The following TSNARE1 variants were observed in gnomAD, a reference collection of about 807,000 sequenced individuals.
TSNARE1 encodes t-SNARE domain-containing protein 1.
In TSNARE1, 49 loss-of-function variants were observed where a neutral mutation model predicts 62.0. The ratio of observed to expected loss-of-function variants is 0.79; its 90% CI spans 0.63 to 1.00. The LOEUF (loss-of-function observed/expected upper bound fraction) is 1.00, where lower values mean the gene tolerates loss of function less well. TSNARE1 is among the 50% of genes least tolerant of loss of function. The probability of loss-of-function intolerance (pLI) is 0.00; values close to 1 mark genes in which losing one functional copy is unlikely to be tolerated. For synonymous variants in TSNARE1, 328 were observed against 294.4 expected, an observed-to-expected ratio of 1.11 and a Z score of -1.17; for missense variants, 755 against 700.1, an observed-to-expected ratio of 1.08 and a Z score of -0.88.
rs555650074 is a variant in TSNARE1 at position 142,228,926 on chromosome 8, G to A, written c.*11+547C>T. The stretch of plus-strand genomic sequence containing the variant: ...TGCATGGGTGGATGGTAGCTAGGTG[G>A]ATGTGTGAACAGATTGTGGATGGAT... On this transcript the variant is annotated intron_variant, in intron 13 of 13. Transcript: ENST00000524325. Among the ~76,000 whole-genome samples, 5 of 152,256 alleles carry A rather than the reference G, an allele frequency of 3.3e-5. No homozygotes were observed. The South Asian group carries it at 1.0e-3, about 32-fold the overall frequency.
chr8:142,291,720 G>A lies in TSNARE1; in HGVS notation c.1291-7235C>T, dbSNP rs947446767. Among the ~76,000 whole-genome samples the A allele has an allele frequency of 3.3e-5, 5 of 152,186 alleles. No individual in the cohort carries two copies. Among genetic ancestry groups the A allele is most frequent in the African/African-American group, 7.2e-5 (3 of 41,452 alleles). On this transcript the variant is annotated intron_variant, in intron 10 of 13. Transcript: ENST00000524325. This position sits in a 1 kb window ranked among gnomAD's most constrained non-coding sequence, Gnocchi z 4.8. ...GAGAACCCAACAGTGTGTGGGGGGC[G>A]AGCGTGGGAGCGGCAGGGGTTAGAG... is the stretch of plus-strand genomic sequence containing the variant.
chr8:142,292,677 G>A (rs983364815), intron 10 of TSNARE1, among the ~76,000 whole-genome samples: 1 of 152,130 alleles, frequency 6.6e-6, no homozygotes, highest in Non-Finnish European at 1.5e-5. Flanking sequence ...CAGGGAAGGA[G>A]AGCAGACATG....
At chr8:142,280,736 C>T (rs961695263) in intron 11 of TSNARE1, among the ~76,000 whole-genome samples, 10 of 152,252 alleles carry the variant, frequency 6.6e-5, no homozygotes, top group African/African-American at 9.6e-5. Flanking sequence ...TCCCAGCCCG[C>T]GACAGGTGGC....
chr8:142,338,317 G>C (rs970240140), intron 4 of TSNARE1, among the ~76,000 whole-genome samples: 1 of 152,230 alleles, frequency 6.6e-6, no homozygotes, highest in Non-Finnish European at 1.5e-5. Flanking sequence ...ACAAGGGTCT[G>C]GGTCCCCACC....
At chr8:142,326,725 T>C (rs1391271537) in intron 6 of TSNARE1, among the ~76,000 whole-genome samples, 1 of 151,978 alleles carries the variant, frequency 6.6e-6, no homozygotes, top group Non-Finnish European at 1.5e-5. Context: ...CTGGAGAGCA[T>C]GGGCTGCACA....
intron 1 of TSNARE1, among the ~76,000 whole-genome samples, chr8:142,392,456 G>A (rs552859842): frequency 6.6e-6 from 1 of 152,346 alleles, no homozygotes; most frequent in South Asian, 2.1e-4. Flanking sequence ...GACGGGCAGT[G>A]TAGCAGGTCT....
chr8:142,276,007 G>A, intron 11 of TSNARE1: 1 of 985,404 alleles, frequency 1.0e-6, no homozygotes, highest in Non-Finnish European at 1.2e-6. Flanking sequence ...GCCTTCAGAA[G>A]CCCCCACCCA....
chr8:142,344,112 C>T lies in TSNARE1; in HGVS notation c.599G>A (p.Gly200Asp). The change falls in exon 4 of 14, where the codon GGC becomes GAC. Residue 200 changes from glycine to aspartate, a missense_variant. Physicochemically the swap from Gly to Asp is moderately conservative, Grantham distance 94. Coordinates refer to ENST00000524325, the MANE Select transcript of TSNARE1 (RefSeq NM_145003.5). ...GCCATGGGCCGCCTTCCGGAGGTCG[C>T]CCAGCTTGCGCCGCACGACGGCTCG... is the stretch of plus-strand genomic sequence containing the variant. ...DLRAVVRRKL[G>D]DLRKAAHGPS... The T allele has an allele frequency of 6.2e-7, 1 of 1,611,430 alleles. No homozygotes were observed. The highest frequency in any genetic ancestry group is 8.5e-7 in the Non-Finnish European group (1 of 1,178,828).
chr8:142,336,736 T>C (rs1831813240), intron 4 of TSNARE1, among the ~76,000 whole-genome samples: 1 of 152,212 alleles, frequency 6.6e-6, no homozygotes, highest in Non-Finnish European at 1.5e-5. Context: ...CAAACGCACG[T>C]GGAACATTCA....
intron 13 of TSNARE1, among the ~76,000 whole-genome samples, chr8:142,221,350 C>A (rs1816201704): frequency 6.6e-6 from 1 of 152,228 alleles, no homozygotes; most frequent in Non-Finnish European, 1.5e-5. Context: ...AACACAAAGG[C>A]CATGCCAGGA....
intron 1 of TSNARE1, among the ~76,000 whole-genome samples, chr8:142,373,951 T>C (rs1307901374): frequency 6.6e-6 from 1 of 151,934 alleles, no homozygotes; most frequent in Non-Finnish European, 1.5e-5. Context: ...GGTAATACAC[T>C]GTGTGTGTGG....
intron 4 of TSNARE1, among the ~76,000 whole-genome samples, chr8:142,342,754 C>T (rs1236167089): frequency 6.6e-6 from 1 of 151,530 alleles, no homozygotes; most frequent in Admixed American, 6.6e-5. Flanking sequence ...AGGCAACTGT[C>T]CCAGCACCTG....
chr8:142,259,423 C>A (rs778176115), intron 12 of TSNARE1, among the ~76,000 whole-genome samples: 2 of 152,156 alleles, frequency 1.3e-5, no homozygotes, highest in Non-Finnish European at 2.9e-5. Context: ...ACTGGGTCAC[C>A]CTCCCTGCCC....
At chr8:142,220,679 C>T (rs563112130) in intron 13 of TSNARE1, among the ~76,000 whole-genome samples, 10 of 152,206 alleles carry the variant, frequency 6.6e-5, no homozygotes, top group Non-Finnish European at 1.2e-4. Flanking sequence ...ACTATGGTCA[C>T]GCCCCAAAGG....
intron 12 of TSNARE1, among the ~76,000 whole-genome samples, chr8:142,267,957 C>T (rs762883306): frequency 1.3e-5 from 2 of 152,244 alleles, no homozygotes; most frequent in African/African-American, 4.8e-5. Flanking sequence ...CTGATCCTGA[C>T]AGGTTCCTGG....
At position 142,325,139 on chromosome 8, in the gene TSNARE1, G is replaced by A. The variant is rs536430191; in HGVS notation, c.893+5762C>T. Among the ~76,000 whole-genome samples, 30 of 152,346 alleles carry A rather than the reference G, an allele frequency of 2.0e-4. No homozygotes were observed. In the East Asian group the frequency reaches 3.5e-3, roughly 18 times the overall value. ...AGGAGGTGGCCAGGGCGAGTGGGCC[G>A]GCAAGGCCTGGACTGAGCGGGCCTG... On this transcript the variant is annotated intron_variant, in intron 6 of 13. Coordinates refer to ENST00000524325, the MANE Select transcript of TSNARE1 (RefSeq NM_145003.5).
At chr8:142,221,093 G>A (rs866284798) in intron 13 of TSNARE1, among the ~76,000 whole-genome samples, 53 of 152,326 alleles carry the variant, frequency 3.5e-4, no homozygotes, top group Admixed American at 1.5e-3. Context: ...TCACTCCACC[G>A]TGCCTGGCTT....
intron 12 of TSNARE1, among the ~76,000 whole-genome samples, chr8:142,259,096 T>C (rs911500902): frequency 1.3e-5 from 2 of 152,230 alleles, no homozygotes; most frequent in African/African-American, 4.8e-5. Flanking sequence ...CAGGTCTGTC[T>C]GACTCTGAAG....
In TSNARE1 at chr8:142,223,039, C is replaced by CTCACTCATTCACTCATTCACTCACTCAT. The variant is rs1563756569; in HGVS notation, c.*11+6433_*11+6434insATGAGTGAGTGAATGAGTGAATGAGTGA. On this transcript the variant is annotated intron_variant, in intron 13 of 13. Transcript: ENST00000524325. ...ACTCACTCAGCCACTCACTCATTCACTCACTCACTCATTCACTCATTCACT... is the reference window on the plus strand; with the variant it reads ...ACTCACTCAGCCACTCACTCATTCACTCACTCATTCACTCATTCACTCACTCATTCACTCACTCATTCACTCATTCACT... Among the ~76,000 whole-genome samples the CTCACTCATTCACTCATTCACTCACTCAT allele has an allele frequency of 1.3e-4, 12 of 92,500 alleles. No individual in the cohort carries two copies. The South Asian group carries it at 3.2e-3, about 25-fold the overall frequency. The allele number at this position is 92,500 out of a possible 152,430, so 60.7% of individuals were successfully genotyped here.
Sources: allele counts gnomAD v4.1 joint callset (sites outside exome capture counted in the v4.1 genomes callset), GRCh38; gene constraint gnomAD v4.1.1; non-coding constraint Gnocchi (gnomAD v3.1); transcripts MANE v1.5; gene names NCBI Gene and HGNC (gene_info 2026-07-23, HGNC 2026-07-21).